Variants in EPM2A observed in about 807,000 individuals in gnomAD.
The protein encoded by EPM2A is EPM2A glucan phosphatase, laforin, also known as laforin.
A neutral mutation model predicts 26.5 loss-of-function variants in EPM2A; 21 were observed. The ratio of observed to expected loss-of-function variants is 0.79; its 90% CI spans 0.56 to 1.14. The LOEUF (loss-of-function observed/expected upper bound fraction) is 1.14, where lower values mean the gene tolerates loss of function less well. EPM2A is among the 50% of genes most tolerant of loss of function. The pLI is 0.00. For missense variants in EPM2A, 458 were observed against 440.8 expected (o/e 1.04, Z -0.35); for synonymous variants, 217 against 177.6 (o/e 1.22, Z -1.76).
At chr6:145,686,602 A>C (rs1164315485) in intron 1 of EPM2A, among the ~76,000 whole-genome samples, 1 of 152,144 alleles carries the variant, frequency 6.6e-6, no homozygotes, top group Non-Finnish European at 1.5e-5. Context: ...ATCACTTTGC[A>C]GCCTGAGAAG....
chr6:145,490,136 T>C (rs1331720803), intron 4 of EPM2A: 4 of 1,110,548 alleles, frequency 3.6e-6, no homozygotes, highest in Non-Finnish European at 5.2e-6. Flanking sequence ...ACAGGTTCAG[T>C]TTGCACACGT....
Position 145,672,292 on chromosome 6 carries a change from C to T in EPM2A, c.476+13830G>A, listed in dbSNP as rs556773663. Among the ~76,000 whole-genome samples the T allele has an allele frequency of 3.9e-5, 6 of 152,268 alleles. No individual in the cohort carries two copies. In the South Asian group the frequency reaches 1.2e-3, roughly 32 times the overall value. On this transcript the variant is annotated intron_variant, in intron 2 of 3. Coordinates refer to ENST00000367519, the MANE Select transcript of EPM2A (RefSeq NM_005670.4). Reference sequence around the variant, plus strand: ...AGAATCTTTCACCAAATTCTTGACTCCTTCCCCAAATCCCTTTAAAACACA... The same window carrying T: ...AGAATCTTTCACCAAATTCTTGACTTCTTCCCCAAATCCCTTTAAAACACA...
At chr6:145,646,857 G>T (rs954004446) in intron 2 of EPM2A, among the ~76,000 whole-genome samples, 1 of 151,948 alleles carries the variant, frequency 6.6e-6, no homozygotes, top group Non-Finnish European at 1.5e-5. Context: ...AAACGTGCAC[G>T]ATTCTTCTCT....
At chr6:145,591,767 T>A (rs1211552386) in intron 2 of EPM2A, among the ~76,000 whole-genome samples, 1 of 152,044 alleles carries the variant, frequency 6.6e-6, no homozygotes, top group Non-Finnish European at 1.5e-5. Context: ...GATACATTTG[T>A]TAAGGTAAAA....
At chr6:145,424,894 G>A (rs931645448) in intron 4 of EPM2A, among the ~76,000 whole-genome samples, 3 of 152,088 alleles carry the variant, frequency 2.0e-5, no homozygotes, top group Non-Finnish European at 2.9e-5. Flanking sequence ...ATAAATTTCT[G>A]TTGCTTAAAA....
At chr6:145,643,083 A>T (rs891472549) in intron 2 of EPM2A, among the ~76,000 whole-genome samples, 1 of 152,192 alleles carries the variant, frequency 6.6e-6, no homozygotes, top group Non-Finnish European at 1.5e-5. Context: ...GAAGTGGATA[A>T]GTTCAAGATG....
At chr6:145,725,353 C>T (rs1776148606) in intron 1 of EPM2A, among the ~76,000 whole-genome samples, 2 of 152,122 alleles carry the variant, frequency 1.3e-5, no homozygotes, top group South Asian at 4.1e-4. Flanking sequence ...ATGAAAAATA[C>T]TAGGCCACTC....
At chr6:145,686,368 T>C (rs993437921) in intron 1 of EPM2A, 72 bp from the exon 2 acceptor site, 15 of 1,221,848 alleles carry the variant, frequency 1.2e-5, no homozygotes, top group Middle Eastern at 1.9e-4. Context: ...AAGCAGCTGA[T>C]ACAAAATTAA....
intron 2 of EPM2A, among the ~76,000 whole-genome samples, chr6:145,650,884 C>T (rs999888192): frequency 1.3e-5 from 2 of 152,114 alleles, no homozygotes; most frequent in African/African-American, 4.8e-5. Flanking sequence ...AATTGTTTAT[C>T]GTTGAGCAAA....
At chr6:145,570,910 C>T (rs1283923558) in intron 2 of EPM2A, among the ~76,000 whole-genome samples, 1 of 152,194 alleles carries the variant, frequency 6.6e-6, no homozygotes, top group African/African-American at 2.4e-5. Context: ...CCAGCCAACA[C>T]TGTAACTCCC....
intron 4 of EPM2A, among the ~76,000 whole-genome samples, chr6:145,437,716 G>A (rs965847589): frequency 1.2e-4 from 19 of 152,222 alleles, no homozygotes; most frequent in African/African-American, 3.9e-4. Flanking sequence ...CTACATATGA[G>A]GGAGCCTAGA....
chr6:145,425,454 C>T (rs1778843218), intron 4 of EPM2A, among the ~76,000 whole-genome samples: 2 of 152,048 alleles, frequency 1.3e-5, no homozygotes, highest in South Asian at 4.1e-4. Flanking sequence ...GGATTACAGG[C>T]CTGAGTCACC....
intron 4 of EPM2A, among the ~76,000 whole-genome samples, chr6:145,484,002 C>T (rs1310044930): frequency 1.3e-5 from 2 of 152,130 alleles, no homozygotes; most frequent in Admixed American, 1.3e-4. Context: ...TACCTTACAA[C>T]ACCATGCAAA....
intron 3 of EPM2A, chr6:145,629,887 C>A (rs909729585): frequency 1.3e-5 from 2 of 152,234 alleles, no homozygotes; most frequent in African/African-American, 4.8e-5. Context: ...GACTCAGAAT[C>A]CCAGCCCCTG....
chr6:145,515,074 A>C (rs1196503432), intron 2 of EPM2A, among the ~76,000 whole-genome samples: 1 of 152,234 alleles, frequency 6.6e-6, no homozygotes, highest in Non-Finnish European at 1.5e-5. Flanking sequence ...GATTCCCTGA[A>C]ATAATTGTGA....
chr6:145,430,847 T>G (rs73559149), intron 4 of EPM2A, among the ~76,000 whole-genome samples: 2,463 of 152,254 alleles, frequency 0.016, 58 homozygotes, highest in African/African-American at 0.056. Flanking sequence ...AAAAGAATGC[T>G]GAAAAAATAT....
chr6:145,524,595 A>G (rs1269378110), intron 2 of EPM2A, among the ~76,000 whole-genome samples: 1 of 152,048 alleles, frequency 6.6e-6, no homozygotes, highest in Non-Finnish European at 1.5e-5. Flanking sequence ...GTGTCTGTTC[A>G]CATCCTTTGC....
intron 2 of EPM2A, among the ~76,000 whole-genome samples, chr6:145,552,950 C>A (rs2114805898): frequency 6.6e-6 from 1 of 152,168 alleles, no homozygotes; most frequent in South Asian, 2.1e-4. Context: ...CTTTATCTAA[C>A]CACTTAAAAT....
intron 4 of EPM2A, among the ~76,000 whole-genome samples, chr6:145,422,074 T>TAGAGAGAG (rs369003830): frequency 7.5e-6 from 1 of 132,984 alleles, no homozygotes; most frequent in Non-Finnish European, 1.6e-5. Context: ...TATATATATA[T>TAGAGAGAG]ATAGAGAGAG....
Sources: gnomAD v4.1 joint callset for allele counts (sites outside exome capture counted in the v4.1 genomes callset) on GRCh38, gnomAD v4.1.1 for gene constraint, MANE v1.5 for transcripts, NCBI Gene and HGNC (gene_info 2026-07-23, HGNC 2026-07-21) for gene names.